The following ACMSD variants were observed in gnomAD, a reference collection of about 807,000 sequenced individuals.
ACMSD encodes aminocarboxymuconate semialdehyde decarboxylase.
In ACMSD, 37 loss-of-function variants were observed where a neutral mutation model predicts 45.9. The observed-to-expected ratio is 0.81, with a 90% CI of 0.62 to 1.06. ACMSD has a LOEUF of 1.06. ACMSD is among the 50% of genes least tolerant of loss of function. The pLI is 0.00. For synonymous variants in ACMSD, 138 were observed against 148.8 expected, an observed-to-expected ratio of 0.93 and a Z score of 0.53; for missense variants, 434 against 420.9, an observed-to-expected ratio of 1.03 and a Z score of -0.27.
chr2:134,846,024 C>T (rs1418663717), intron 2 of ACMSD, among the ~76,000 whole-genome samples: 2 of 152,154 alleles, frequency 1.3e-5, no homozygotes, highest in Non-Finnish European at 2.9e-5. Flanking sequence ...TTAGGACTCC[C>T]TTTACATCAG....
intron 8 of ACMSD, among the ~76,000 whole-genome samples, 191 bp from the exon 9 acceptor site, chr2:134,898,149 GA>G (rs74776923): frequency 6.7e-6 from 1 of 149,516 alleles, no homozygotes; most frequent in African/African-American, 2.4e-5. Flanking sequence ...ACACCTGCTG[GA>G]AAAAAAAAGT....
At chr2:134,890,862 T>A (rs1689743925) in intron 8 of ACMSD, among the ~76,000 whole-genome samples, 1 of 152,002 alleles carries the variant, frequency 6.6e-6, no homozygotes, top group Admixed American at 6.6e-5. Flanking sequence ...TAAAAAAAAA[T>A]TCCACCACAT....
intron 8 of ACMSD, among the ~76,000 whole-genome samples, chr2:134,897,533 G>A (rs948251192): frequency 1.3e-5 from 2 of 152,070 alleles, no homozygotes; most frequent in African/African-American, 2.4e-5. Context: ...ACAAGTGTAT[G>A]AGTGGAATAC....
At chr2:134,851,153 T>G (rs1687323834) in intron 2 of ACMSD, among the ~76,000 whole-genome samples, 1 of 152,252 alleles carries the variant, frequency 6.6e-6, no homozygotes, top group Non-Finnish European at 1.5e-5. Context: ...CTGCATGGTA[T>G]TCTATGGTGT....
intron 1 of ACMSD, among the ~76,000 whole-genome samples, chr2:134,842,947 A>G (rs908230620): frequency 2.6e-5 from 4 of 152,186 alleles, no homozygotes; most frequent in Non-Finnish European, 5.9e-5. Flanking sequence ...ACAGTTCCTT[A>G]CAGAATTACA....
At chr2:134,887,691 C>T (rs1211830431) in intron 8 of ACMSD, among the ~76,000 whole-genome samples, 1 of 152,110 alleles carries the variant, frequency 6.6e-6, no homozygotes, top group African/African-American at 2.4e-5. Context: ...CATGAGCTGC[C>T]GTGTGCAGCC....
intron 8 of ACMSD, among the ~76,000 whole-genome samples, chr2:134,879,471 G>A (rs1430580318): frequency 6.6e-6 from 1 of 152,048 alleles, no homozygotes; most frequent in East Asian, 1.9e-4. Flanking sequence ...AAATTTCCAG[G>A]AACCAAACTC....
In ACMSD at chr2:134,867,709, C is replaced by T. The variant is rs377084978; in HGVS notation, c.580+37C>T. On this transcript the variant is annotated intron_variant, in intron 6 of 9. Transcript: ENST00000356140. ...TGTGGGGTCTGGAACAGAGGACCAA[C>T]TCTTGGGTTTTTCCAATCATCTATG... is the stretch of plus-strand genomic sequence containing the variant. The T allele has an allele frequency of 8.0e-5, 125 of 1,555,342 alleles. No homozygotes were observed. The African/African-American group carries it at 1.4e-3, about 18-fold the overall frequency.
chr2:134,879,778 A>C (rs183883179), intron 8 of ACMSD, among the ~76,000 whole-genome samples: 1 of 152,336 alleles, frequency 6.6e-6, no homozygotes, highest in East Asian at 1.9e-4. Flanking sequence ...GCATAGACTA[A>C]CACTAGTCCA....
chr2:134,884,626 G>A (rs1469080238), intron 8 of ACMSD, among the ~76,000 whole-genome samples: 2 of 152,160 alleles, frequency 1.3e-5, no homozygotes, highest in African/African-American at 4.8e-5. Context: ...AATGAGATCA[G>A]CTGTTGCCAC....
intron 5 of ACMSD, 100 bp from the exon 6 acceptor site, chr2:134,867,479 C>T (rs533915923): frequency 1.2e-6 from 1 of 844,298 alleles, no homozygotes; most frequent in African/African-American, 1.7e-5. Flanking sequence ...TTGTGCAGAC[C>T]AATATAGACT....
intron 8 of ACMSD, among the ~76,000 whole-genome samples, chr2:134,876,593 C>T (rs1027880770): frequency 5.3e-5 from 8 of 152,136 alleles, no homozygotes; most frequent in South Asian, 2.1e-4. Flanking sequence ...TCATCTCCTA[C>T]GACAATGCCT....
chr2:134,862,858 A>T, intron 4 of ACMSD: 1 of 568,274 alleles, frequency 1.8e-6, no homozygotes, highest in Non-Finnish European at 2.2e-6. Context: ...CATTAGGAAA[A>T]CCAACAGTAA....
chr2:134,841,741 C>A (rs1686816130), intron 1 of ACMSD, among the ~76,000 whole-genome samples: 1 of 152,250 alleles, frequency 6.6e-6, no homozygotes, highest in Non-Finnish European at 1.5e-5. Context: ...AACCTACTGT[C>A]TGCCCAATAG....
intron 8 of ACMSD, 158 bp downstream of exon 8, chr2:134,872,799 A>G: frequency 1.3e-6 from 1 of 792,004 alleles, no homozygotes; most frequent in Non-Finnish European, 2.0e-6. Context: ...TTGCTCACAC[A>G]GGGGATTCTC....
At chr2:134,879,781 C>G (rs1688936448) in intron 8 of ACMSD, among the ~76,000 whole-genome samples, 1 of 152,218 alleles carries the variant, frequency 6.6e-6, no homozygotes, top group Non-Finnish European at 1.5e-5. Context: ...TAGACTAACA[C>G]TAGTCCATTA....
chr2:134,860,108 C>G (rs1301432071), intron 3 of ACMSD, among the ~76,000 whole-genome samples: 1 of 152,200 alleles, frequency 6.6e-6, no homozygotes, highest in Middle Eastern at 3.4e-3. Flanking sequence ...ACTAAACATA[C>G]AAAAATTAGC....
At position 134,860,234 on chromosome 2, in the gene ACMSD, G is replaced by C. The variant is rs78088592; in HGVS notation, c.199+877G>C. On this transcript the variant is annotated intron_variant, in intron 3 of 9. Transcript: ENST00000356140. The stretch of plus-strand genomic sequence containing the variant: ...GCCGACATTGCACCACCGCACTCCA[G>C]CCTGGGCAACAAAGTGAGACTCTGT... Among the ~76,000 whole-genome samples the C allele has an allele frequency of 0.018, 2,692 of 152,318 alleles. 217 individuals carry two copies. The East Asian group carries it at 0.28, about 16-fold the overall frequency.
At chr2:134,863,767 G>A in intron 5 of ACMSD, 136 bp downstream of exon 5, 6 of 865,422 alleles carry the variant, frequency 6.9e-6, no homozygotes, top group Non-Finnish European at 1.1e-5. Context: ...GTTTGATGTA[G>A]GTAGAAGGTG....
Sources: gnomAD v4.1 joint callset for allele counts (sites outside exome capture counted in the v4.1 genomes callset) on GRCh38, gnomAD v4.1.1 for gene constraint, MANE v1.5 for transcripts, NCBI Gene and HGNC (gene_info 2026-07-23, HGNC 2026-07-21) for gene names.